ANKRD11: variants seen among roughly 807,000 people sequenced by gnomAD.
ANKRD11 encodes ankyrin repeat domain 11.
In ANKRD11, 17 loss-of-function variants were observed where a neutral mutation model predicts 195.7. The ratio of observed to expected loss-of-function variants is 0.09; its 90% CI spans 0.06 to 0.13. The LOEUF is 0.13. ANKRD11 is among the 10% of genes least tolerant of loss of function. ANKRD11 has a pLI of 1.00. For synonymous variants in ANKRD11, 1,953 were observed against 1,528.1 expected, an observed-to-expected ratio of 1.28 and a Z score of -6.49; for missense variants, 3,735 against 3,566.1, an observed-to-expected ratio of 1.05 and a Z score of -1.21.
intron 4 of ANKRD11, chr16:89,297,856 T>C (rs1368950031): frequency 6.6e-6 from 1 of 152,262 alleles, no homozygotes; most frequent in Non-Finnish European, 1.5e-5. Context: ...CCTACCCCTG[T>C]CTGCTGCGTG....
At chr16:89,278,935 G>C (rs1431744289) in intron 9 of ANKRD11, 137 bp downstream of exon 9, 15 of 1,373,948 alleles carry the variant, frequency 1.1e-5, no homozygotes, top group African/African-American at 1.4e-5. Context: ...GTGGGGCTGT[G>C]TCTCCTCAGG....
chr16:89,290,081 T>A (rs1459480262), intron 6 of ANKRD11, among the ~76,000 whole-genome samples: 1 of 152,202 alleles, frequency 6.6e-6, no homozygotes, highest in African/African-American at 2.4e-5. Flanking sequence ...TGAAATACTT[T>A]CCAAGAAACA....
At chr16:89,356,993 G>T (rs1476530158) in intron 2 of ANKRD11, among the ~76,000 whole-genome samples, 1 of 152,186 alleles carries the variant, frequency 6.6e-6, no homozygotes, top group African/African-American at 2.4e-5. Flanking sequence ...TGGCTGCCTT[G>T]TCAGCAGGGC....
chr16:89,345,834 G>A (rs2045441048), intron 2 of ANKRD11, among the ~76,000 whole-genome samples: 1 of 152,190 alleles, frequency 6.6e-6, no homozygotes, highest in African/African-American at 2.4e-5. Context: ...CTTGAGGCCA[G>A]AATGCATTCC....
intron 2 of ANKRD11, among the ~76,000 whole-genome samples, chr16:89,356,615 CAAA>C (rs1215696016): frequency 8.8e-6 from 1 of 113,332 alleles, no homozygotes; most frequent in Admixed American, 9.0e-5. Flanking sequence ...ACTAAAAATA[CAAA>C]AAAAAAAAAA....
intron 2 of ANKRD11, among the ~76,000 whole-genome samples, chr16:89,383,342 C>G (rs1235445761): frequency 6.6e-6 from 1 of 152,244 alleles, no homozygotes; most frequent in Admixed American, 6.5e-5. Flanking sequence ...GGAGGGGCAG[C>G]AGCAGCCCCA....
intron 1 of ANKRD11, among the ~76,000 whole-genome samples, chr16:89,480,243 A>G (rs2057400972): frequency 6.6e-6 from 1 of 152,104 alleles, no homozygotes; most frequent in South Asian, 2.1e-4. Flanking sequence ...TTGAGAGGCC[A>G]AGGCGGGTGG....
intron 2 of ANKRD11, among the ~76,000 whole-genome samples, chr16:89,405,282 CTG>C (rs1222190831): frequency 6.6e-6 from 1 of 152,150 alleles, no homozygotes; most frequent in Non-Finnish European, 1.5e-5. Flanking sequence ...TGGGGCATGA[CTG>C]TATTCTGTAG....
At chr16:89,384,617 G>A (rs536276157) in intron 2 of ANKRD11, among the ~76,000 whole-genome samples, 2 of 152,290 alleles carry the variant, frequency 1.3e-5, no homozygotes, top group Non-Finnish European at 2.9e-5. Flanking sequence ...GCTTCTGCAG[G>A]AAGGAGCCTC....
chr16:89,489,366 G>C (rs1178516163), intron 1 of ANKRD11, among the ~76,000 whole-genome samples: 1 of 151,692 alleles, frequency 6.6e-6, no homozygotes, highest in Non-Finnish European at 1.5e-5. Flanking sequence ...TGCTGTTGCA[G>C]CCGCCACCGC....
intron 2 of ANKRD11, among the ~76,000 whole-genome samples, chr16:89,412,953 A>G (rs1408527438): frequency 6.6e-6 from 1 of 152,144 alleles, no homozygotes; most frequent in Admixed American, 6.5e-5. Flanking sequence ...GATTCCAGCT[A>G]AAAGCACACA....
At chr16:89,318,243 G>T (rs118042009) in intron 2 of ANKRD11, among the ~76,000 whole-genome samples, 136 of 152,320 alleles carry the variant, frequency 8.9e-4, no homozygotes, top group South Asian at 1.5e-3. Flanking sequence ...CTCGGAGCAT[G>T]GGCCTCCTCC....
At chr16:89,278,205 G>C (rs2033825368) in intron 9 of ANKRD11, 1 of 319,260 alleles carries the variant, frequency 3.1e-6, no homozygotes, top group Non-Finnish European at 6.1e-6. Flanking sequence ...GAGAACAGGA[G>C]GGCAGGGGAG....
chr16:89,334,739 C>T (rs900496443), intron 2 of ANKRD11, among the ~76,000 whole-genome samples: 1 of 152,174 alleles, frequency 6.6e-6, no homozygotes, highest in African/African-American at 2.4e-5. Flanking sequence ...CGTCATACCA[C>T]ACTCACTTGT....
At chr16:89,388,261 G>A (rs1472934327) in intron 2 of ANKRD11, among the ~76,000 whole-genome samples, 1 of 149,744 alleles carries the variant, frequency 6.7e-6, no homozygotes, top group African/African-American at 2.5e-5. Flanking sequence ...CACGCGGGTG[G>A]TGCCGGGTGC....
At chr16:89,426,627 C>T (rs1419644058) in intron 1 of ANKRD11, among the ~76,000 whole-genome samples, 2 of 151,880 alleles carry the variant, frequency 1.3e-5, no homozygotes, top group African/African-American at 4.8e-5. Flanking sequence ...CTAAATCAGG[C>T]GCATATAGAT....
intron 4 of ANKRD11, among the ~76,000 whole-genome samples, chr16:89,302,750 C>A (rs1186555245): frequency 1.3e-5 from 2 of 152,188 alleles, no homozygotes; most frequent in Non-Finnish European, 2.9e-5. Context: ...TTGTTACAAT[C>A]CTTGCCTGGA....
At chr16:89,354,919 G>A (rs1298537413) in intron 2 of ANKRD11, among the ~76,000 whole-genome samples, 1 of 152,110 alleles carries the variant, frequency 6.6e-6, no homozygotes, top group Non-Finnish European at 1.5e-5. Flanking sequence ...CTGGAAGCTC[G>A]TTCTTCTAGC....
At chr16:89,310,202 C>G (rs542460236) in intron 3 of ANKRD11, among the ~76,000 whole-genome samples, 1 of 152,210 alleles carries the variant, frequency 6.6e-6, no homozygotes, top group Non-Finnish European at 1.5e-5. Context: ...TCCAAACTGT[C>G]TATGTGCGGG....
Sources: gnomAD v4.1 joint callset for allele counts (sites outside exome capture counted in the v4.1 genomes callset) on GRCh38, gnomAD v4.1.1 for gene constraint, MANE v1.5 for transcripts, NCBI Gene and HGNC (gene_info 2026-07-23, HGNC 2026-07-21) for gene names.